EML6: variants seen among roughly 807,000 people sequenced by gnomAD.
EML6 encodes the protein EMAP like 6, also known as echinoderm microtubule-associated protein-like 6.
In EML6, 154 loss-of-function variants were observed where a neutral mutation model predicts 240.1. The observed-to-expected ratio is 0.64, with a 90% CI of 0.56 to 0.73. The LOEUF is 0.73. Ranked by LOEUF, EML6 falls within the 30% of genes least tolerant of loss-of-function variation. EML6 has a pLI of 0.00. For synonymous variants in EML6, 1,148 were observed against 899.0 expected, an observed-to-expected ratio of 1.28 and a Z score of -4.95; for missense variants, 2,964 against 2,474.6, an observed-to-expected ratio of 1.20 and a Z score of -4.20.
At chr2:54,802,680 A>G (rs1224146819) in intron 2 of EML6, among the ~76,000 whole-genome samples, 2 of 145,532 alleles carry the variant, frequency 1.4e-5, no homozygotes, top group African/African-American at 2.5e-5. Flanking sequence ...TACTACTACT[A>G]CTACCAATAA....
chr2:54,732,860 A>ATT (rs1683233671), intron 2 of EML6, among the ~76,000 whole-genome samples: 1 of 152,222 alleles, frequency 6.6e-6, no homozygotes, highest in African/African-American at 2.4e-5. Flanking sequence ...TATACATTGG[A>ATT]TTTGTTTACT....
At position 54,971,408 on chromosome 2, in the gene EML6, T is replaced by C. The variant is rs569671751; in HGVS notation, c.*1313T>C. On this transcript the variant is annotated 3_prime_UTR_variant, in exon 42 of 42. Transcript: ENST00000356458. ...TGCGGGACTGGTGGTTCTGAGCACA[T>C]AGACGCCTATTAGTCCTTCTGGTCA... is the stretch of plus-strand genomic sequence containing the variant. The C allele has an allele frequency of 3.9e-5, 6 of 152,332 alleles. 1 individual carries two copies. The highest frequency in any genetic ancestry group is 1.2e-4 in the African/African-American group (5 of 41,578). The allele number at this position is 152,332 out of a possible 1,614,324, so 9.4% of individuals were successfully genotyped here. A position where few individuals can be genotyped will look rare whatever the true frequency, so the allele number is the denominator to read the frequency against.
intron 2 of EML6, among the ~76,000 whole-genome samples, chr2:54,787,849 T>C (rs1042749913): frequency 2.6e-5 from 4 of 152,010 alleles, no homozygotes; most frequent in African/African-American, 9.7e-5. Flanking sequence ...CATTGCTCCT[T>C]CTGCATCAAT....
chr2:54,813,486 C>A (rs1667951580), intron 3 of EML6, 95 bp downstream of exon 3: 2 of 1,074,462 alleles, frequency 1.9e-6, no homozygotes, highest in Non-Finnish European at 2.7e-6. Context: ...GTCCATCAAC[C>A]CTTGCTGGTT....
At position 54,879,565 on chromosome 2, in the gene EML6, T is replaced by G; in HGVS notation, c.2363T>G (p.Val788Gly). 6.4e-7 allele frequency: 1 copy of G among 1,551,560 alleles called. No homozygotes were observed. The highest frequency in any genetic ancestry group is 8.7e-7 in the Non-Finnish European group (1 of 1,146,646). The change falls in exon 17 of 42, where the codon GTG becomes GGG. Residue 788 changes from valine to glycine, a missense_variant. Coordinates refer to ENST00000356458, the MANE Select transcript of EML6 (RefSeq NM_001039753.4). ...CATACAGCCGATGGAAAATGTCTGG[T>G]GTCGGTTGGTTTAGACGATTTTCAC... ...LDFSADGKCL[V>G]SVGLDDFHSI...
At chr2:54,857,644 G>A (rs950627680) in intron 11 of EML6, among the ~76,000 whole-genome samples, 5 of 152,200 alleles carry the variant, frequency 3.3e-5, no homozygotes, top group African/African-American at 7.2e-5. Flanking sequence ...GCAGTGCAGT[G>A]TTCTAAATGA....
At chr2:54,813,161 C>T (rs1667933699) in intron 2 of EML6, 71 bp from the exon 3 acceptor site, 1 of 1,106,944 alleles carries the variant, frequency 9.0e-7, no homozygotes, top group Non-Finnish European at 1.3e-6. Context: ...AAATGAGAAA[C>T]AGATTTGGAT....
chr2:54,726,175 G>A (rs1262254669), intron 2 of EML6, among the ~76,000 whole-genome samples: 1 of 152,166 alleles, frequency 6.6e-6, no homozygotes, highest in Non-Finnish European at 1.5e-5. Flanking sequence ...TCGTCATATG[G>A]GAGCCTCAGC....
In EML6 at chr2:54,829,400, G is replaced by T. The variant is rs1471800699; in HGVS notation, c.770G>T (p.Gly257Val). The T allele has an allele frequency of 8.4e-6, 13 of 1,551,692 alleles. No individual in the cohort carries two copies. The highest frequency in any genetic ancestry group is 1.1e-5 in the Non-Finnish European group (13 of 1,146,768). The change falls in exon 7 of 42, where the codon GGG (glycine) becomes GTG (valine). Residue 257 changes from glycine (G) to valine (V), a missense_variant. Gly to Val is a moderately radical substitution (Grantham distance 109). Transcript: ENST00000356458. ...EEGFATGGRD[G>V]CIRLWDTDFK... ...GGCTTTGCCACTGGTGGGCGAGATG[G>T]GTGTATACGACTGTGGGACACTGAT...
chr2:54,837,394 A>G (rs1049208834), intron 7 of EML6, among the ~76,000 whole-genome samples: 4 of 152,146 alleles, frequency 2.6e-5, no homozygotes, highest in African/African-American at 9.7e-5. Flanking sequence ...CGTATTTACT[A>G]GCCCCGTTGA....
At chr2:54,764,794 T>G (rs939547487) in intron 2 of EML6, among the ~76,000 whole-genome samples, 3 of 152,200 alleles carry the variant, frequency 2.0e-5, no homozygotes, top group Non-Finnish European at 4.4e-5. Context: ...TTTTCAGCTT[T>G]CTTTCTATTT....
At position 54,871,592 on chromosome 2, in the gene EML6, A is replaced by T; in HGVS notation, c.2331A>T (p.Ala777=). 1 of 1,551,170 alleles carries T rather than the reference A, an allele frequency of 6.4e-7. No individual in the cohort carries two copies. Among genetic ancestry groups the T allele is most frequent in the Non-Finnish European group, 8.7e-7 (1 of 1,146,454 alleles). ...LKGQHQRGVC[A]LDFSADGKCL... ...GACAACATCAGAGAGGAGTGTGTGC[A>T]CTTGATTTTTCAGGTAAGGTCCAGA... Residue 777 remains alanine (A), a synonymous_variant, in exon 16 of 42, where the codon GCA becomes GCT. Transcript: ENST00000356458.
intron 3 of EML6, 56 bp downstream of exon 3, chr2:54,813,447 C>G: frequency 7.2e-7 from 1 of 1,379,694 alleles, no homozygotes; most frequent in Non-Finnish European, 1.0e-6. Flanking sequence ...TCACTTAAAA[C>G]TATAATAGGA....
At chr2:54,909,053 G>A (rs1673499576) in intron 24 of EML6, among the ~76,000 whole-genome samples, 1 of 152,174 alleles carries the variant, frequency 6.6e-6, no homozygotes, top group Admixed American at 6.5e-5. Context: ...TTGGTTTTAA[G>A]TGAAGTATGA....
At chr2:54,739,247 G>A (rs559568240) in intron 2 of EML6, among the ~76,000 whole-genome samples, 36 of 152,248 alleles carry the variant, frequency 2.4e-4, no homozygotes, top group African/African-American at 6.3e-4. Flanking sequence ...TAATTACTAT[G>A]ATTTAAAAGT....
At chr2:54,969,577 G>A (rs771625798) in intron 41 of EML6, among the ~76,000 whole-genome samples, 1 of 152,230 alleles carries the variant, frequency 6.6e-6, no homozygotes, top group Non-Finnish European at 1.5e-5. Flanking sequence ...TTGTGAACAA[G>A]CTAGGAGTAA....
Position 54,816,873 on chromosome 2 carries a change from C to T in EML6, c.444C>T (p.Gly148=), listed in dbSNP as rs370463321. 6.5e-7 allele frequency: 1 copy of T among 1,550,320 alleles called. No individual in the cohort carries two copies. Among genetic ancestry groups the T allele is most frequent in the Non-Finnish European group, 8.7e-7 (1 of 1,145,888 alleles). The part of the protein sequence containing the change: ...RKGKLLASAT[G]HSDRIFDISW... Reference sequence around the variant, plus strand: ...GAAAACTTCTGGCGTCAGCCACCGGCCATTCTGACAGGGTAAGAACTTGTT... The same window carrying T: ...GAAAACTTCTGGCGTCAGCCACCGGTCATTCTGACAGGGTAAGAACTTGTT... The change falls in exon 4 of 42, where the codon GGC becomes GGT. Residue 148 remains glycine (G), a synonymous_variant. Transcript: ENST00000356458.
chr2:54,894,969 G>T lies in EML6; in HGVS notation c.2797G>T (p.Glu933Ter). 6.4e-7 allele frequency: 1 copy of T among 1,551,478 alleles called. No homozygotes were observed. Among genetic ancestry groups the T allele is most frequent in the South Asian group, 1.2e-5 (1 of 84,046 alleles). Residue 933 changes from glutamate (E) to a stop codon, truncating the protein, a stop_gained, in exon 20 of 42, where the codon GAA (glutamate) becomes TAA (stop). Coordinates refer to ENST00000356458, the MANE Select transcript of EML6 (RefSeq NM_001039753.4). LOFTEE classifies it high-confidence loss of function. ...CGTGGAGCTCTGGGATGATATGTTT[G>T]AAAGATGTTTGAAGACTTATGCCAT... ...GIVELWDDMFERCLKTYAIKR... is the reference protein window; with the variant it reads ...GIVELWDDMF
intron 13 of EML6, among the ~76,000 whole-genome samples, chr2:54,865,422 C>T (rs1050789719): frequency 6.6e-6 from 1 of 151,968 alleles, no homozygotes; most frequent in African/African-American, 2.4e-5. Flanking sequence ...GGGCTACAAG[C>T]CACTGTACTC....
Sources: gnomAD v4.1 joint callset for allele counts (sites outside exome capture counted in the v4.1 genomes callset) on GRCh38, gnomAD v4.1.1 for gene constraint, MANE v1.5 for transcripts, NCBI Gene and HGNC (gene_info 2026-07-23, HGNC 2026-07-21) for gene names.